The following CIDEA variants were observed in gnomAD, a reference collection of about 807,000 sequenced individuals.
The protein encoded by CIDEA is lipid transferase CIDEA.
Under a neutral mutation model 18.2 loss-of-function variants are expected in CIDEA, and 10 were observed. That is an observed-to-expected ratio of 0.55 (90% CI 0.34 to 0.93). The LOEUF (loss-of-function observed/expected upper bound fraction) is 0.93. Among genes scored for constraint, CIDEA ranks in the 40% least tolerant of loss-of-function variants. The pLI, the probability that CIDEA is intolerant of heterozygous loss-of-function variation, is 0.02. For synonymous variants in CIDEA, 128 were observed against 124.8 expected (o/e 1.03, Z -0.17); for missense variants, 309 against 293.1 (o/e 1.05, Z -0.40).
In CIDEA at chr18:12,264,452, C is replaced by T. The variant is rs372248989; in HGVS notation, c.329C>T (p.Pro110Leu). 3.1e-6 allele frequency: 5 copies of T among 1,611,886 alleles called. No individual in the cohort carries two copies. The South Asian group carries it at 3.3e-5, about 11-fold the overall frequency. The stretch of plus-strand genomic sequence containing the variant: ...TTGGAAAAAGGACAGAAGTGGATGC[C>T]GGTAAGCAAAAACACTGTCACCCAA... Reference protein sequence around the residue: ...MILEKGQKWMPGSQHVPTCSP... With the variant: ...MILEKGQKWMLGSQHVPTCSP... Residue 110 changes from proline (P) to leucine (L), a missense_variant and splice_region_variant, in exon 3 of 5, where the codon CCG becomes CTG. Pro to Leu is a moderately conservative substitution (Grantham distance 98). Coordinates refer to ENST00000320477, the MANE Select transcript of CIDEA (RefSeq NM_001279.4).
At chr18:12,268,761 A>G (rs1384345102) in intron 3 of CIDEA, among the ~76,000 whole-genome samples, 1 of 152,172 alleles carries the variant, frequency 6.6e-6, no homozygotes, top group Non-Finnish European at 1.5e-5. Flanking sequence ...AAGAAATTAA[A>G]ATTCAGAAAT....
intron 3 of CIDEA, among the ~76,000 whole-genome samples, chr18:12,266,703 C>A (rs1246660684): frequency 6.6e-6 from 1 of 151,938 alleles, no homozygotes; most frequent in Non-Finnish European, 1.5e-5. Context: ...TAATCTCTCT[C>A]TCTTTGGCAT....
chr18:12,262,969 G>A lies in CIDEA; in HGVS notation c.183G>A (p.Lys61=). Residue 61 remains lysine (K), a splice_region_variant and synonymous_variant, in exon 2 of 5, where the codon AAG becomes AAA. Transcript: ENST00000320477. ...MASSLQELIS[K]TLDALVIATG... ...GCAGCCTGCAGGAGCTCATCAGCAAGGTGCCCCACATCCCGCACCTCTCCC... is the reference window on the plus strand; with the variant it reads ...GCAGCCTGCAGGAGCTCATCAGCAAAGTGCCCCACATCCCGCACCTCTCCC... 1.2e-6 allele frequency: 2 copies of A among 1,614,010 alleles called. No individual in the cohort carries two copies. Among genetic ancestry groups the A allele is most frequent in the Non-Finnish European group, 1.7e-6 (2 of 1,179,972 alleles).
intron 4 of CIDEA, among the ~76,000 whole-genome samples, chr18:12,275,275 A>G (rs1024093951): frequency 6.6e-6 from 1 of 152,194 alleles, no homozygotes; most frequent in African/African-American, 2.4e-5. Flanking sequence ...GTGAGCTGAG[A>G]TCCGCCACTG....
At chr18:12,256,878 G>A (rs1205760671) in intron 1 of CIDEA, among the ~76,000 whole-genome samples, 2 of 152,198 alleles carry the variant, frequency 1.3e-5, no homozygotes, top group East Asian at 3.8e-4. Flanking sequence ...ATAATGTCAA[G>A]CCTTTAGGTA....
intron 1 of CIDEA, chr18:12,254,642 G>C (rs1243785876): frequency 1.3e-6 from 2 of 1,528,624 alleles, no homozygotes; most frequent in Admixed American, 2.0e-5. Flanking sequence ...CCCGTCCCGC[G>C]CCTCCTCACC....
At chr18:12,254,814 G>C in intron 1 of CIDEA, 1 of 1,345,234 alleles carries the variant, frequency 7.4e-7, no homozygotes, top group Non-Finnish European at 9.9e-7. Context: ...CAAAGCTTCC[G>C]CGATGCGAGG....
chr18:12,255,198 G>T (rs1911996037), intron 1 of CIDEA, among the ~76,000 whole-genome samples: 2 of 152,254 alleles, frequency 1.3e-5, no homozygotes, highest in Non-Finnish European at 2.9e-5. Flanking sequence ...CAACTGTAAA[G>T]TAAGGTCTAA....
chr18:12,271,331 G>A lies in CIDEA; in HGVS notation c.331-2762G>A, dbSNP rs953016177. On this transcript the variant is annotated intron_variant, in intron 3 of 4. Transcript: ENST00000320477. The stretch of plus-strand genomic sequence containing the variant: ...TCTTCACAAGGGTCCTTATGAGAGG[G>A]AGGCAGGTGAGCATGAAGGCCAGAG... Among the ~76,000 whole-genome samples, 3 of 152,214 alleles carry A rather than the reference G, an allele frequency of 2.0e-5. No individual in the cohort carries two copies. In the South Asian group the frequency reaches 6.2e-4, roughly 32 times the overall value.
At chr18:12,268,254 A>G (rs376528006) in intron 3 of CIDEA, among the ~76,000 whole-genome samples, 1 of 51,060 alleles carries the variant, frequency 2.0e-5, no homozygotes, top group African/African-American at 7.7e-5. Context: ...TTTTTTTTTC[A>G]TTTTTAGTAG....
At chr18:12,258,154 G>T (rs1353816731) in intron 1 of CIDEA, among the ~76,000 whole-genome samples, 1 of 152,222 alleles carries the variant, frequency 6.6e-6, no homozygotes, top group African/African-American at 2.4e-5. Context: ...GTTTGGAAAT[G>T]CTACAGGTGA....
rs138955580 is a variant in CIDEA, at chr18:12,274,253, C to G, written c.491C>G (p.Thr164Arg). 3 of 1,614,142 alleles carry G rather than the reference C, an allele frequency of 1.9e-6. No individual in the cohort carries two copies. Among genetic ancestry groups the G allele is most frequent in the Non-Finnish European group, 2.5e-6 (3 of 1,179,986 alleles). Residue 164 changes from threonine (T) to arginine (R), a missense_variant, in exon 4 of 5, where the codon ACG becomes AGG. Physicochemically the swap from Thr to Arg is moderately conservative, Grantham distance 71. Coordinates refer to ENST00000320477, the MANE Select transcript of CIDEA (RefSeq NM_001279.4). ...MYSVSYDIRC[T>R]GLKGLLRSLL... is the part of the protein sequence containing the mutation. The stretch of plus-strand genomic sequence containing the variant: ...TCCGTGTCCTACGACATCCGGTGCA[C>G]GGGACTCAAGGGCCTGCTGAGGTAA...
At chr18:12,269,817 C>A (rs923398379) in intron 3 of CIDEA, among the ~76,000 whole-genome samples, 11 of 152,290 alleles carry the variant, frequency 7.2e-5, no homozygotes, top group Admixed American at 6.5e-4. Context: ...GCCACCTCCT[C>A]CTCCCAAGTA....
chr18:12,260,669 T>C (rs1912166216), intron 1 of CIDEA, among the ~76,000 whole-genome samples: 1 of 152,232 alleles, frequency 6.6e-6, no homozygotes, highest in Non-Finnish European at 1.5e-5. Context: ...CATGGATAGA[T>C]GGCTGTGTGT....
chr18:12,272,905 A>G (rs905036481), intron 3 of CIDEA, among the ~76,000 whole-genome samples: 2 of 152,222 alleles, frequency 1.3e-5, no homozygotes, highest in Non-Finnish European at 2.9e-5. Flanking sequence ...GGCATGAGCC[A>G]CTGTGCCTGG....
chr18:12,268,616 T>A (rs1408484851), intron 3 of CIDEA, among the ~76,000 whole-genome samples: 2 of 151,964 alleles, frequency 1.3e-5, no homozygotes, highest in Non-Finnish European at 2.9e-5. Context: ...TTCAAACTCC[T>A]GGTTTCAAGC....
chr18:12,263,044 C>G (rs1912244028), intron 2 of CIDEA, 75 bp downstream of exon 2: 22 of 1,488,396 alleles, frequency 1.5e-5, no homozygotes, highest in East Asian at 2.4e-5. Context: ...GTCTTGGGCT[C>G]TAAGCCAGGG....
At chr18:12,259,159 C>T (rs1438211246) in intron 1 of CIDEA, among the ~76,000 whole-genome samples, 2 of 152,196 alleles carry the variant, frequency 1.3e-5, no homozygotes, top group Non-Finnish European at 2.9e-5. Context: ...CCCTGGCAAA[C>T]GTGTGCGGGT....
chr18:12,274,831 C>G (rs550761182), intron 4 of CIDEA, among the ~76,000 whole-genome samples: 1 of 152,348 alleles, frequency 6.6e-6, no homozygotes, highest in South Asian at 2.1e-4. Flanking sequence ...CTGATCCAGC[C>G]ATACCCCAGA....
Sources: allele counts gnomAD v4.1 joint callset (sites outside exome capture counted in the v4.1 genomes callset), GRCh38; gene constraint gnomAD v4.1.1; transcripts MANE v1.5; gene names NCBI Gene and HGNC (gene_info 2026-07-23, HGNC 2026-07-21).